ARHGAP10: variants seen among roughly 807,000 people sequenced by gnomAD.
The protein encoded by ARHGAP10 is rho GTPase-activating protein 10.
In ARHGAP10, 87 loss-of-function variants were observed where a neutral mutation model predicts 108.6. That is an observed-to-expected ratio of 0.80 (90% confidence interval 0.67 to 0.96). The LOEUF (loss-of-function observed/expected upper bound fraction) is 0.96, where lower values mean the gene tolerates loss of function less well. Among genes scored for constraint, ARHGAP10 ranks in the 40% least tolerant of loss-of-function variants. The pLI, the probability that ARHGAP10 is intolerant of heterozygous loss-of-function variation, is 0.00. For synonymous variants in ARHGAP10, 347 were observed against 341.1 expected (o/e 1.02, Z -0.19); for missense variants, 939 against 954.5 (o/e 0.98, Z 0.21).
chr4:147,800,110 C>G lies in ARHGAP10; in HGVS notation c.155-22617C>G, dbSNP rs149010385. Among the ~76,000 whole-genome samples, 22 of 152,240 alleles carry G rather than the reference C, an allele frequency of 1.4e-4. No individual in the cohort carries two copies. In the East Asian group the frequency reaches 4.3e-3, roughly 29 times the overall value. The stretch of plus-strand genomic sequence containing the variant: ...GCCGCTAGGGCTGCCGTCTCATTTC[C>G]CCCTGCTGTTATTGCTGGCTGTGGA... On this transcript the variant is annotated intron_variant, in intron 1 of 22. Transcript: ENST00000336498.
At chr4:147,960,063 AT>A (rs1422257369) in intron 16 of ARHGAP10, among the ~76,000 whole-genome samples, 12 of 152,254 alleles carry the variant, frequency 7.9e-5, no homozygotes, top group African/African-American at 1.2e-4. Flanking sequence ...CTTTAAGTCT[AT>A]TTTTAAAAAT....
chr4:147,958,963 G>A (rs577246330), intron 16 of ARHGAP10, among the ~76,000 whole-genome samples: 1 of 151,786 alleles, frequency 6.6e-6, no homozygotes, highest in Admixed American at 6.6e-5. Context: ...TAATTCCCTG[G>A]CATATTTCAA....
At chr4:147,754,484 T>C (rs543122609) in intron 1 of ARHGAP10, among the ~76,000 whole-genome samples, 9 of 152,206 alleles carry the variant, frequency 5.9e-5, no homozygotes, top group Admixed American at 1.3e-4. Flanking sequence ...TCAAAACTAC[T>C]GAGGGCCCCA....
intron 19 of ARHGAP10, among the ~76,000 whole-genome samples, chr4:148,038,541 C>T (rs1728481362): frequency 6.6e-6 from 1 of 152,204 alleles, no homozygotes. Flanking sequence ...CTCCTGAACC[C>T]TCGTCTTCCA....
intron 19 of ARHGAP10, among the ~76,000 whole-genome samples, chr4:148,026,030 A>T (rs763497460): frequency 2.0e-5 from 3 of 152,196 alleles, no homozygotes; most frequent in Non-Finnish European, 4.4e-5. Context: ...TAAATACAGG[A>T]TGAATAGTTT....
intron 10 of ARHGAP10, among the ~76,000 whole-genome samples, chr4:147,905,021 A>G (rs1190533380): frequency 6.6e-6 from 1 of 152,112 alleles, no homozygotes; most frequent in Non-Finnish European, 1.5e-5. Context: ...TTGGCTGCAT[A>G]AATGTCTTCT....
At chr4:148,071,381 C>A (rs1730169013) in intron 22 of ARHGAP10, among the ~76,000 whole-genome samples, 1 of 152,164 alleles carries the variant, frequency 6.6e-6, no homozygotes, top group Non-Finnish European at 1.5e-5. Flanking sequence ...TCTGGGGGGC[C>A]AAGGCGAGTG....
chr4:147,807,238 G>T (rs1172337091), intron 1 of ARHGAP10, among the ~76,000 whole-genome samples: 2 of 152,016 alleles, frequency 1.3e-5, no homozygotes, highest in Non-Finnish European at 2.9e-5. Context: ...GGATTTCTAA[G>T]GATTAGGAAT....
intron 1 of ARHGAP10, among the ~76,000 whole-genome samples, chr4:147,748,268 G>A (rs1244266347): frequency 2.0e-5 from 3 of 152,202 alleles, no homozygotes; most frequent in African/African-American, 7.2e-5. Context: ...GAGATGTGGT[G>A]GATGTTGTAC....
At chr4:147,905,055 C>G (rs1268710337) in intron 10 of ARHGAP10, among the ~76,000 whole-genome samples, 6 of 152,082 alleles carry the variant, frequency 3.9e-5, no homozygotes, top group Non-Finnish European at 8.8e-5. Context: ...TGTTCATATC[C>G]TTTGCCCACT....
chr4:147,909,876 C>T lies in ARHGAP10; in HGVS notation c.1162+99C>T, dbSNP rs1015511696. On this transcript the variant is annotated intron_variant, in intron 12 of 22. Coordinates refer to ENST00000336498, the MANE Select transcript of ARHGAP10 (RefSeq NM_024605.4). ...GCTGTTGCTGGGAGCTTACTCTCTGCACCCTCTATTAGACAGAGGGGTATT... is the reference window on the plus strand; with the variant it reads ...GCTGTTGCTGGGAGCTTACTCTCTGTACCCTCTATTAGACAGAGGGGTATT... The T allele has an allele frequency of 9.2e-6, 11 of 1,194,686 alleles. No individual in the cohort carries two copies. In the Admixed American group the frequency reaches 1.3e-4, roughly 14 times the overall value. The allele number at this position is 1,194,686 out of a possible 1,614,324, so 74.0% of individuals were successfully genotyped here.
chr4:148,004,388 A>G (rs1740857698), intron 18 of ARHGAP10, among the ~76,000 whole-genome samples: 1 of 152,212 alleles, frequency 6.6e-6, no homozygotes, highest in Admixed American at 6.5e-5. Context: ...ATAGATTTAA[A>G]TAGTGATAGT....
intron 18 of ARHGAP10, among the ~76,000 whole-genome samples, chr4:148,020,457 C>T (rs1369001081): frequency 7.2e-5 from 11 of 152,174 alleles, no homozygotes; most frequent in East Asian, 5.8e-4. Flanking sequence ...CCCCCTGCCC[C>T]GCTGACAGGC....
intron 18 of ARHGAP10, among the ~76,000 whole-genome samples, chr4:148,004,336 A>T (rs557779212): frequency 6.0e-4 from 92 of 152,372 alleles, no homozygotes; most frequent in African/African-American, 2.1e-3. Flanking sequence ...AATAGTCTTC[A>T]ACAGGTGGAA....
intron 15 of ARHGAP10, among the ~76,000 whole-genome samples, chr4:147,952,040 T>G (rs1362713354): frequency 6.6e-6 from 1 of 152,224 alleles, no homozygotes; most frequent in East Asian, 1.9e-4. Flanking sequence ...GAAGTCTGTA[T>G]TATTTCACTT....
rs1034928575 is a variant in ARHGAP10, at chr4:147,783,575, G to T, written c.155-39152G>T. Among the ~76,000 whole-genome samples, 25 of 141,370 alleles carry T rather than the reference G, an allele frequency of 1.8e-4. No individual in the cohort carries two copies. In the East Asian group the frequency reaches 3.3e-3, roughly 19 times the overall value. The allele number at this position is 141,370 out of a possible 152,430, so 92.7% of individuals were successfully genotyped here. A position where few individuals can be genotyped will look rare whatever the true frequency, so the allele number is the denominator to read the frequency against. On this transcript the variant is annotated intron_variant, in intron 1 of 22. Transcript: ENST00000336498. ...TAGAACACACATTAAATTGTGTATT[G>T]TATAATTTATAGAACACATTAAATT...
chr4:148,018,208 A>G (rs1186924003), intron 18 of ARHGAP10, among the ~76,000 whole-genome samples: 5 of 152,300 alleles, frequency 3.3e-5, no homozygotes, highest in East Asian at 1.9e-4. Context: ...TTGATTCTCA[A>G]TATTGCTTAA....
intron 4 of ARHGAP10, among the ~76,000 whole-genome samples, chr4:147,849,746 T>C (rs560317960): frequency 6.6e-6 from 1 of 152,334 alleles, no homozygotes; most frequent in African/African-American, 2.4e-5. Flanking sequence ...TAGGTGGTTT[T>C]TGTAAATTGG....
At chr4:147,956,026 A>C (rs963836689) in intron 16 of ARHGAP10, among the ~76,000 whole-genome samples, 1 of 152,106 alleles carries the variant, frequency 6.6e-6, no homozygotes, top group Admixed American at 6.6e-5. Flanking sequence ...TTGTTTAATC[A>C]TCATAGTCTT....
Sources: gnomAD v4.1 joint callset for allele counts (sites outside exome capture counted in the v4.1 genomes callset) on GRCh38, gnomAD v4.1.1 for gene constraint, MANE v1.5 for transcripts, NCBI Gene and HGNC (gene_info 2026-07-23, HGNC 2026-07-21) for gene names.